The following DNAAF5 variants were observed in gnomAD, a reference collection of about 807,000 sequenced individuals.
DNAAF5 encodes dynein axonemal assembly factor 5, also known as HEAT repeat containing 2.
In DNAAF5, 64 loss-of-function variants were observed where a neutral mutation model predicts 75.8. That is an observed-to-expected ratio of 0.84 (90% CI 0.69 to 1.04). The LOEUF is 1.04. DNAAF5 is among the 50% of genes least tolerant of loss of function. DNAAF5 has a pLI of 0.00. For missense variants in DNAAF5, 1,269 were observed against 1,178.5 expected (o/e 1.08, Z -1.12); for synonymous variants, 657 against 557.2 (o/e 1.18, Z -2.52).
At chr7:741,582 C>T (rs891446531) in intron 4 of DNAAF5, 117 bp downstream of exon 4, 21 of 663,500 alleles carry the variant, frequency 3.2e-5, no homozygotes, top group South Asian at 1.1e-4. Flanking sequence ...GCGGCCGCGT[C>T]GGAAAGGTGC....
chr7:744,492 A>G (rs1782020972), intron 4 of DNAAF5, among the ~76,000 whole-genome samples: 2 of 152,220 alleles, frequency 1.3e-5, no homozygotes, highest in African/African-American at 4.8e-5. Flanking sequence ...ATGTGGGCGA[A>G]GGACATGAAC....
chr7:747,189 A>G (rs1345079049), intron 4 of DNAAF5, among the ~76,000 whole-genome samples: 1 of 152,202 alleles, frequency 6.6e-6, no homozygotes. Context: ...TTAGAAACTC[A>G]CCACACACTG....
intron 11 of DNAAF5, among the ~76,000 whole-genome samples, chr7:775,625 G>A (rs1002922298): frequency 6.6e-6 from 1 of 152,112 alleles, no homozygotes; most frequent in African/African-American, 2.4e-5. Flanking sequence ...TGTATGTATT[G>A]GGGGGCAGAA....
chr7:740,876 T>TA lies in DNAAF5; in HGVS notation c.839dup (p.Tyr280Ter). 1.2e-6 allele frequency: 2 copies of TA among 1,614,082 alleles called. No homozygotes were observed. Among genetic ancestry groups the TA allele is most frequent in the Non-Finnish European group, 1.7e-6 (2 of 1,180,040 alleles). The change falls in exon 3 of 13, where the codon TAC (tyrosine) becomes TAAC (stop). Residue 280 changes from tyrosine to a stop codon, truncating the protein, a stop_gained and frameshift_variant. Transcript: ENST00000297440. LOFTEE classifies it high-confidence loss of function. ...CTGGCTGCTGTGTCTGCGTGACCGT[T>TA]ACTCCTTCTTCCACAAGCTCATCCC... ...GGWLLCLRDR[Y>*]SFFHKLIPLL...
intron 9 of DNAAF5, chr7:771,739 C>T (rs1437710585): frequency 1.3e-5 from 2 of 152,276 alleles, no homozygotes; most frequent in African/African-American, 2.4e-5. Flanking sequence ...GCCCTTCCCT[C>T]TGGAACTCAC....
In DNAAF5 at chr7:746,408, G is replaced by A. The variant is rs1466428480; in HGVS notation, c.1024+4943G>A. On this transcript the variant is annotated intron_variant, in intron 4 of 12. Transcript: ENST00000297440. ...CAGGGCCTGTGACGCCCTCCTTACC[G>A]TCCTGCTGCCCCCCACCCAACATGC... 2.6e-4 allele frequency among the ~76,000 whole-genome samples: 10 copies of A among 38,662 alleles called. 3 individuals carry two copies. Among genetic ancestry groups the A allele is most frequent in the Non-Finnish European group, 3.4e-4 (8 of 23,864 alleles). 25.4% of individuals were successfully genotyped at this position (38,662 alleles called of 152,430 possible). A position where few individuals can be genotyped will look rare whatever the true frequency, so the allele number is the denominator to read the frequency against.
chr7:745,421 C>T (rs539764192), intron 4 of DNAAF5, among the ~76,000 whole-genome samples: 2 of 132,546 alleles, frequency 1.5e-5, no homozygotes, highest in Non-Finnish European at 3.4e-5. Flanking sequence ...GCGAGGCGCA[C>T]ACGCATACAC....
At chr7:768,231 T>A (rs1339923833) in intron 8 of DNAAF5, among the ~76,000 whole-genome samples, 1 of 137,634 alleles carries the variant, frequency 7.3e-6, no homozygotes, top group Non-Finnish European at 1.5e-5. Context: ...AGACACGTGA[T>A]CAGGGCGGAA....
chr7:773,455 T>C (rs1160788119), intron 9 of DNAAF5, among the ~76,000 whole-genome samples: 1 of 152,160 alleles, frequency 6.6e-6, no homozygotes, highest in Admixed American at 6.5e-5. Flanking sequence ...TGGTGGCACT[T>C]TGACCTGACT....
intron 2 of DNAAF5, among the ~76,000 whole-genome samples, chr7:737,196 A>G (rs886437442): frequency 6.6e-6 from 1 of 152,068 alleles, no homozygotes; most frequent in African/African-American, 2.4e-5. Flanking sequence ...CCCAGGTTCA[A>G]GCGATTCTCC....
chr7:727,020 G>C lies in DNAAF5; in HGVS notation c.300G>C (p.Leu100=). Reference sequence around the variant, plus strand: ...GCCGCGCGCTGGCAGTGCACCTGCTGGATCTGGGCCTGCGCCGCGCCGCGC... The same window carrying C: ...GCCGCGCGCTGGCAGTGCACCTGCTCGATCTGGGCCTGCGCCGCGCCGCGC... ...EGCRALAVHL[L]DLGLRRAARP... The change falls in exon 1 of 13, where the codon CTG becomes CTC. Residue 100 remains leucine, a synonymous_variant. Coordinates refer to ENST00000297440, the MANE Select transcript of DNAAF5 (RefSeq NM_017802.4). The C allele has an allele frequency of 8.3e-7, 1 of 1,208,422 alleles. No homozygotes were observed. 74.9% of individuals were successfully genotyped at this position (1,208,422 alleles called of 1,614,324 possible).
intron 4 of DNAAF5, among the ~76,000 whole-genome samples, chr7:751,337 T>G (rs1051156175): frequency 5.9e-5 from 9 of 152,040 alleles, no homozygotes; most frequent in Non-Finnish European, 8.8e-5. Flanking sequence ...CTGTTCTTAT[T>G]AAAACATACC....
chr7:770,099 A>G (rs1778504108), intron 8 of DNAAF5, among the ~76,000 whole-genome samples: 1 of 151,282 alleles, frequency 6.6e-6, no homozygotes, highest in Non-Finnish European at 1.5e-5. Flanking sequence ...CTACAGGTAT[A>G]TGCCACCATG....
intron 2 of DNAAF5, among the ~76,000 whole-genome samples, chr7:733,241 G>A (rs892448404): frequency 6.6e-6 from 1 of 152,106 alleles, no homozygotes; most frequent in Non-Finnish European, 1.5e-5. Context: ...GTTTGTTTTT[G>A]TCTTGTTTTG....
intron 12 of DNAAF5, 74 bp from the exon 13 acceptor site, chr7:785,443 G>A: frequency 3.9e-6 from 6 of 1,552,864 alleles, no homozygotes; most frequent in Non-Finnish European, 5.3e-6. Context: ...TCACTACAAA[G>A]CCAATTTGCA....
chr7:767,733 C>A (rs62432259), intron 8 of DNAAF5, among the ~76,000 whole-genome samples: 145,240 of 150,648 alleles, frequency 0.96, 70,082 homozygotes, highest in East Asian at 1. Context: ...TGCTGCGAGG[C>A]GGAGCTGGCG....
chr7:782,035 A>G (rs1380311177), intron 12 of DNAAF5, among the ~76,000 whole-genome samples: 2 of 152,252 alleles, frequency 1.3e-5, no homozygotes, highest in African/African-American at 4.8e-5. Flanking sequence ...CTCCTTTGGA[A>G]AATACTTAGA....
intron 8 of DNAAF5, among the ~76,000 whole-genome samples, chr7:764,399 T>C (rs1261456620): frequency 6.6e-6 from 1 of 152,206 alleles, no homozygotes; most frequent in Non-Finnish European, 1.5e-5. Flanking sequence ...TCAGCCACTT[T>C]TCCTGGGATG....
At chr7:766,777 T>G (rs1782833802) in intron 8 of DNAAF5, among the ~76,000 whole-genome samples, 2 of 152,114 alleles carry the variant, frequency 1.3e-5, no homozygotes, top group South Asian at 4.1e-4. Flanking sequence ...ACCACTGCAC[T>G]CCAGCCCGGA....
Sources: allele counts gnomAD v4.1 joint callset (sites outside exome capture counted in the v4.1 genomes callset), GRCh38; gene constraint gnomAD v4.1.1; transcripts MANE v1.5; gene names NCBI Gene and HGNC (gene_info 2026-07-23, HGNC 2026-07-21).